Variants in MRC1 observed in about 807,000 individuals in gnomAD.
MRC1 encodes the protein mannose receptor C-type 1.
In MRC1, 62 loss-of-function variants were observed where a neutral mutation model predicts 102.9. The observed-to-expected ratio is 0.60, with a 90% CI of 0.49 to 0.74. The LOEUF (loss-of-function observed/expected upper bound fraction) is 0.74. Ranked by LOEUF, MRC1 falls within the 30% of genes least tolerant of loss-of-function variation. MRC1 has a pLI of 0.00. For missense variants in MRC1, 1,237 were observed against 862.8 expected (o/e 1.43, Z -5.43); for synonymous variants, 457 against 298.4 (o/e 1.53, Z -5.48).
intron 17 of MRC1, among the ~76,000 whole-genome samples, chr10:17,877,266 A>T (rs1351778450): frequency 6.8e-6 from 1 of 148,094 alleles, no homozygotes. Flanking sequence ...TATATACATA[A>T]AATATGTATA....
At chr10:17,903,394 T>TTC (rs1833855683) in intron 26 of MRC1, among the ~76,000 whole-genome samples, 1 of 130,864 alleles carries the variant, frequency 7.6e-6, no homozygotes, top group South Asian at 2.7e-4. Flanking sequence ...TTTTTTTTCT[T>TTC]TTTTTTTTTT....
chr10:17,898,358 A>G lies in MRC1; in HGVS notation c.3483+92A>G, dbSNP rs935705843. ...CTGTTTGTTCTGTTGAATACTCATT[A>G]TGTGTAAGAGACTGTGCTAGGCAAT... On this transcript the variant is annotated intron_variant, in intron 24 of 29. Coordinates refer to ENST00000569591, the MANE Select transcript of MRC1 (RefSeq NM_002438.4). The G allele has an allele frequency of 2.2e-5, 17 of 778,678 alleles. 1 individual carries two copies. The highest frequency in any genetic ancestry group is 1.2e-4 in the East Asian group (5 of 41,232). 48.2% of individuals were successfully genotyped at this position (778,678 alleles called of 1,614,324 possible).
At chr10:17,811,677 G>A (rs1327170325) in intron 1 of MRC1, among the ~76,000 whole-genome samples, 1 of 152,002 alleles carries the variant, frequency 6.6e-6, no homozygotes, top group Admixed American at 6.6e-5. Context: ...CTCCCACCTT[G>A]GCCCACTCCC....
intron 7 of MRC1, among the ~76,000 whole-genome samples, chr10:17,850,309 T>C (rs975524250): frequency 2.8e-5 from 4 of 141,706 alleles, no homozygotes; most frequent in Admixed American, 2.3e-4. Context: ...TAAAGGAATA[T>C]ATTTCTTGGC....
chr10:17,897,540 G>A (rs1012645256), intron 23 of MRC1, among the ~76,000 whole-genome samples: 2 of 149,552 alleles, frequency 1.3e-5, no homozygotes, highest in Non-Finnish European at 2.9e-5. Context: ...ATCTACACCC[G>A]TTACCTGAAT....
intron 22 of MRC1, among the ~76,000 whole-genome samples, chr10:17,886,881 G>A (rs887236314): frequency 2.6e-5 from 4 of 152,152 alleles, no homozygotes; most frequent in African/African-American, 7.2e-5. Context: ...AAAGAAGTAG[G>A]AGTAAGCTTC....
intron 4 of MRC1, among the ~76,000 whole-genome samples, chr10:17,837,532 A>G (rs1165280430): frequency 4.6e-5 from 7 of 152,214 alleles, no homozygotes; most frequent in Non-Finnish European, 7.3e-5. Context: ...ATGAAAAAAC[A>G]ACCTACAAAA....
intron 8 of MRC1, among the ~76,000 whole-genome samples, chr10:17,853,627 T>C (rs1007612632): frequency 0.029 from 4,358 of 150,958 alleles, 124 homozygotes; most frequent in African/African-American, 0.073. Context: ...TAAAAAGAGA[T>C]TGTAGCCCCG....
Position 17,833,652 on chromosome 10 carries a change from A to G in MRC1, c.638-23A>G, listed in dbSNP as rs1052063123. On this transcript the variant is annotated intron_variant, in intron 3 of 29. Transcript: ENST00000569591. ...GTGTTTTCTATGCATAATGAACCAA[A>G]TTCCATCTGATTTCTTTCACAGTTG... The G allele has an allele frequency of 6.1e-5, 48 of 781,090 alleles. No homozygotes were observed. In the African/African-American group the frequency reaches 7.8e-4, roughly 13 times the overall value. The allele number at this position is 781,090 out of a possible 1,614,324, so 48.4% of individuals were successfully genotyped here.
intron 17 of MRC1, among the ~76,000 whole-genome samples, chr10:17,876,328 A>T (rs1299796083): frequency 6.6e-6 from 1 of 151,256 alleles, no homozygotes; most frequent in Non-Finnish European, 1.5e-5. Flanking sequence ...GCTCACTGCA[A>T]CCTCCACCTA....
At chr10:17,893,406 C>T (rs1444818814) in intron 22 of MRC1, among the ~76,000 whole-genome samples, 2 of 152,142 alleles carry the variant, frequency 1.3e-5, no homozygotes, top group Admixed American at 1.3e-4. Context: ...ATCTTCTAGC[C>T]TTGGCCTCTC....
rs1838941809 is a variant in MRC1, at chr10:17,853,141, G to T, written c.1407+17G>T. On this transcript the variant is annotated intron_variant, in intron 8 of 29. Transcript: ENST00000569591. ...AAAGGCAAGGTAAGGCCACTTGAAT[G>T]ACTGATATTTATAATGAAAGTCACG... The T allele has an allele frequency of 2.6e-6, 2 of 780,274 alleles. No homozygotes were observed. Among genetic ancestry groups the T allele is most frequent in the Admixed American group, 1.7e-5 (1 of 58,996 alleles). The allele number at this position is 780,274 out of a possible 1,614,324, so 48.3% of individuals were successfully genotyped here. A position where few individuals can be genotyped will look rare whatever the true frequency, so the allele number is the denominator to read the frequency against.
rs952345306 is a variant in MRC1 at position 17,870,278 on chromosome 10, G to A, written c.2016G>A (p.Thr672=). ...CAAAAGGAAAACATGAGAAGAAAACGTGGTTTGAATCTCGAGATTTTTGTC... is the reference window on the plus strand; with the variant it reads ...CAAAAGGAAAACATGAGAAGAAAACATGGTTTGAATCTCGAGATTTTTGTC... The part of the protein sequence containing the change: ...LYAKGKHEKK[T]WFESRDFCRA... The change falls in exon 13 of 30, where the codon ACG becomes ACA. Residue 672 remains threonine, a synonymous_variant. Transcript: ENST00000569591. 2.6e-5 allele frequency: 20 copies of A among 780,322 alleles called. No homozygotes were observed. The highest frequency in any genetic ancestry group is 2.5e-4 in the Admixed American group (15 of 58,970). The allele number at this position is 780,322 out of a possible 1,614,324, so 48.3% of individuals were successfully genotyped here.
chr10:17,857,373 A>G (rs1034325011), intron 9 of MRC1, among the ~76,000 whole-genome samples: 128 of 152,356 alleles, frequency 8.4e-4, no homozygotes, highest in African/African-American at 3.0e-3. Context: ...ATATGTTTAC[A>G]CAAGCTTGTA....
At position 17,832,302 on chromosome 10, in the gene MRC1, T is replaced by A. The variant is rs1449786324; in HGVS notation, c.638-1373T>A. On this transcript the variant is annotated intron_variant, in intron 3 of 29. Transcript: ENST00000569591. ...CTGGTATCCGTTCTTTTAAAACATG[T>A]TTTATTCACTTTGGGAAGCCGAGGC... Among the ~76,000 whole-genome samples, 5 of 151,454 alleles carry A rather than the reference T, an allele frequency of 3.3e-5. No individual in the cohort carries two copies. In the East Asian group the frequency reaches 7.8e-4, roughly 24 times the overall value.
intron 7 of MRC1, among the ~76,000 whole-genome samples, chr10:17,850,413 GAACATAGC>G (rs1349572118): frequency 1.3e-5 from 2 of 151,760 alleles, no homozygotes; most frequent in Non-Finnish European, 2.9e-5. Flanking sequence ...CCAGTCCAGG[GAACATAGC>G]AAGACCTCGT....
rs1176526901 is a variant in MRC1, at chr10:17,856,208, C to A, written c.1408-34C>A. Reference sequence around the variant, plus strand: ...AAAAAAAGGTCCCCAAACTGATAATCCTTTATTTTTTTCTCTCTCTCTGCT... The same window carrying A: ...AAAAAAAGGTCCCCAAACTGATAATACTTTATTTTTTTCTCTCTCTCTGCT... On this transcript the variant is annotated intron_variant, in intron 8 of 29. Coordinates refer to ENST00000569591, the MANE Select transcript of MRC1 (RefSeq NM_002438.4). The A allele has an allele frequency of 4.9e-6, 4 of 809,646 alleles. No individual in the cohort carries two copies. The African/African-American group carries it at 6.8e-5, about 14-fold the overall frequency. 50.2% of individuals were successfully genotyped at this position (809,646 alleles called of 1,614,324 possible).
At chr10:17,878,727 A>G (rs1833471375) in intron 18 of MRC1, among the ~76,000 whole-genome samples, 1 of 152,032 alleles carries the variant, frequency 6.6e-6, no homozygotes, top group Non-Finnish European at 1.5e-5. Flanking sequence ...CAGTGGGGTG[A>G]TCACAGCTCA....
chr10:17,845,395 A>G lies in MRC1; in HGVS notation c.1023A>G (p.Lys341=), dbSNP rs538992269. The G allele has an allele frequency of 9.0e-5, 70 of 780,888 alleles. No individual in the cohort carries two copies. The African/African-American group carries it at 1.1e-3, about 12-fold the overall frequency. The allele number at this position is 780,888 out of a possible 1,614,324, so 48.4% of individuals were successfully genotyped here. ...ECVQKLGYIC[K]KGNTTLNSFV... ...TTCAGAAACTGGGCTATATTTGCAA[A>G]AAGGGCAACACCACTTTAAATTCTT... The change falls in exon 6 of 30, where the codon AAA becomes AAG. Residue 341 remains lysine (K), a synonymous_variant. Coordinates refer to ENST00000569591, the MANE Select transcript of MRC1 (RefSeq NM_002438.4).
Sources: gnomAD v4.1 joint callset for allele counts (sites outside exome capture counted in the v4.1 genomes callset) on GRCh38, gnomAD v4.1.1 for gene constraint, MANE v1.5 for transcripts, NCBI Gene and HGNC (gene_info 2026-07-23, HGNC 2026-07-21) for gene names.